QTMAN: variants seen among roughly 807,000 people sequenced by gnomAD.
QTMAN encodes queuosine-tRNA mannosyltransferase, also known as tRNA-queuosine alpha-mannosyltransferase.
chr2:144,103,487 C>A, the QTMAN span, among the ~76,000 whole-genome samples: 1 of 152,172 alleles, frequency 6.6e-6, no homozygotes, highest in Non-Finnish European at 1.5e-5. Flanking sequence ...AAATGTATCA[C>A]AGACCAACTC....
chr2:144,111,667 T>C, the QTMAN span, among the ~76,000 whole-genome samples: 1 of 152,196 alleles, frequency 6.6e-6, no homozygotes, highest in Non-Finnish European at 1.5e-5. Flanking sequence ...AGACATTCTC[T>C]GGGCAGGCCA....
the QTMAN span, among the ~76,000 whole-genome samples, chr2:144,005,470 T>G: frequency 6.6e-6 from 1 of 152,106 alleles, no homozygotes; most frequent in Non-Finnish European, 1.5e-5. Context: ...TAAAATTGAC[T>G]GCACGCTAGA....
At chr2:144,009,605 G>A in the QTMAN span, among the ~76,000 whole-genome samples, 1 of 152,052 alleles carries the variant, frequency 6.6e-6, no homozygotes, top group Non-Finnish European at 1.5e-5. Flanking sequence ...AAGTAATAAA[G>A]AGATGATTGT....
At chr2:144,217,818 C>T in the QTMAN span, among the ~76,000 whole-genome samples, 5 of 152,144 alleles carry the variant, frequency 3.3e-5, no homozygotes, top group African/African-American at 7.2e-5. Context: ...AAGTCAGCCA[C>T]GTAGCCGCAT....
At chr2:144,167,904 G>A in the QTMAN span, among the ~76,000 whole-genome samples, 27 of 152,188 alleles carry the variant, frequency 1.8e-4, no homozygotes, top group East Asian at 4.6e-3. Context: ...AAATGCTAAA[G>A]TTTGTCTTTT....
At chr2:144,042,926 T>C in the QTMAN span, among the ~76,000 whole-genome samples, 2 of 152,128 alleles carry the variant, frequency 1.3e-5, no homozygotes, top group Non-Finnish European at 1.5e-5. Context: ...TTTGCATGCC[T>C]GCCAGTTTGT....
the QTMAN span, among the ~76,000 whole-genome samples, chr2:144,237,805 G>GTCTGTCCTAAAAGATATTACAGCT: frequency 4.6e-5 from 7 of 152,138 alleles, no homozygotes; most frequent in Non-Finnish European, 8.8e-5. Context: ...AAGTGACAGT[G>GTCTGTCCTAAAAGATATTACAGCT]TCTGTCCTAA....
the QTMAN span, among the ~76,000 whole-genome samples, chr2:144,134,991 T>A: frequency 6.6e-6 from 1 of 152,194 alleles, no homozygotes; most frequent in African/African-American, 2.4e-5. Context: ...CCTGACAACC[T>A]GAGCATTTGT....
the QTMAN span, among the ~76,000 whole-genome samples, chr2:144,027,727 C>A: frequency 8.5e-5 from 13 of 152,212 alleles, no homozygotes; most frequent in Admixed American, 7.2e-4. Flanking sequence ...TAAACACACA[C>A]GCACACCCAG....
the QTMAN span, among the ~76,000 whole-genome samples, chr2:144,239,502 G>A: frequency 6.6e-6 from 1 of 152,088 alleles, no homozygotes; most frequent in Non-Finnish European, 1.5e-5. Flanking sequence ...ACTGGTGGGG[G>A]GTGGGAGGGG....
chr2:144,033,226 G>A, the QTMAN span, among the ~76,000 whole-genome samples: 1 of 152,178 alleles, frequency 6.6e-6, no homozygotes, highest in African/African-American at 2.4e-5. Context: ...GCAGTTAAGG[G>A]TTAAGTACTA....
chr2:144,163,907 G>A, the QTMAN span, among the ~76,000 whole-genome samples: 2 of 151,538 alleles, frequency 1.3e-5, no homozygotes, highest in East Asian at 3.9e-4. Flanking sequence ...CTAGCTATGC[G>A]ATTTAGGGAA....
chr2:144,172,285 C>T, the QTMAN span, among the ~76,000 whole-genome samples: 1 of 151,788 alleles, frequency 6.6e-6, no homozygotes, highest in East Asian at 1.9e-4. Context: ...TAACATACTA[C>T]TCTCAATTAA....
chr2:144,017,254 C>A, the QTMAN span, among the ~76,000 whole-genome samples: 1 of 152,128 alleles, frequency 6.6e-6, no homozygotes, highest in Non-Finnish European at 1.5e-5. Flanking sequence ...CCACCCACCT[C>A]GGCCTCCCAA....
At chr2:144,162,077 T>C in the QTMAN span, among the ~76,000 whole-genome samples, 1 of 152,218 alleles carries the variant, frequency 6.6e-6, no homozygotes, top group Non-Finnish European at 1.5e-5. Context: ...AAAAAGGATC[T>C]GAATAGACCT....
At chr2:144,220,118 C>T in the QTMAN span, among the ~76,000 whole-genome samples, 1 of 152,100 alleles carries the variant, frequency 6.6e-6, no homozygotes, top group Non-Finnish European at 1.5e-5. Context: ...AGCTCAGAAA[C>T]CCAGTTTAGA....
chr2:144,161,085 GTGGTC>G, the QTMAN span, among the ~76,000 whole-genome samples: 1 of 152,144 alleles, frequency 6.6e-6, no homozygotes, highest in Admixed American at 6.6e-5. Context: ...AAGGTAACAT[GTGGTC>G]TGAAGAGATC....
chr2:144,044,586 C>T, the QTMAN span, among the ~76,000 whole-genome samples: 5 of 152,064 alleles, frequency 3.3e-5, no homozygotes, highest in African/African-American at 4.8e-5. Context: ...GTATTTTTTT[C>T]CCCAAGCCAG....
At chr2:144,109,993 A>G in the QTMAN span, among the ~76,000 whole-genome samples, 1 of 152,200 alleles carries the variant, frequency 6.6e-6, no homozygotes, top group Non-Finnish European at 1.5e-5. Flanking sequence ...CGATTCCTCA[A>G]GGATCTAGAA....
Sources: allele counts gnomAD v4.1 joint callset (sites outside exome capture counted in the v4.1 genomes callset), GRCh38; gene constraint gnomAD v4.1.1; transcripts MANE v1.5; gene names NCBI Gene and HGNC (gene_info 2026-07-23, HGNC 2026-07-21).